Variants in SLC38A5 observed in about 807,000 individuals in gnomAD.
SLC38A5 encodes solute carrier family 38 member 5.
In SLC38A5, 9 loss-of-function variants were observed where a neutral mutation model predicts 34.6. The ratio of observed to expected loss-of-function variants is 0.26; its 90% CI spans 0.16 to 0.45. The LOEUF (loss-of-function observed/expected upper bound fraction) is 0.45, where lower values mean the gene tolerates loss of function less well. Ranked by LOEUF, SLC38A5 falls within the 20% of genes least tolerant of loss-of-function variation. SLC38A5 has a pLI of 1.00. For synonymous variants in SLC38A5, 157 were observed against 155.6 expected, an observed-to-expected ratio of 1.01 and a Z score of -0.07; for missense variants, 253 against 394.7, an observed-to-expected ratio of 0.64 and a Z score of 3.04.
intron 9 of SLC38A5, among the ~76,000 whole-genome samples, chrX:48,462,575 C>G (rs2061442188): frequency 9.0e-6 from 1 of 110,825 alleles, no homozygotes; most frequent in Non-Finnish European, 1.9e-5. Context: ...GCCATTGCAC[C>G]ACTCCAGCCT....
intron 4 of SLC38A5, chrX:48,467,452 A>G: frequency 2.3e-6 from 1 of 428,037 alleles, no homozygotes; most frequent in Non-Finnish European, 4.1e-6. Context: ...GCAGGCCGGG[A>G]GGGGAGCAGC....
At chrX:48,463,060 CAGGCAGCTTTCTGCCCT>C in intron 8 of SLC38A5, 80 bp from the exon 9 acceptor site, 1 of 799,682 alleles carries the variant, frequency 1.3e-6, no homozygotes, top group Non-Finnish European at 1.8e-6. Context: ...GACAGCTGGA[CAGGCAGCTTTCTGCCCT>C]AAGTCAGGAG....
In SLC38A5 at chrX:48,462,094, T is replaced by C; in HGVS notation, c.684A>G (p.Thr228=). ...CCACGAGAGCTTCACTCTCCATTGCTGTTTCATTGTGGCCTATAGCACAGC... is the reference window on the plus strand; with the variant it reads ...CCACGAGAGCTTCACTCTCCATTGCCGTTTCATTGTGGCCTATAGCACAGC... ...QLGCAIGHNE[T]AMESEALVGL... is the part of the protein sequence containing the mutation. The change falls in exon 11 of 17, where the codon ACA becomes ACG. Residue 228 remains threonine (T), a synonymous_variant. Coordinates refer to ENST00000620913, the MANE Select transcript of SLC38A5 (RefSeq NM_033518.4). 1 of 1,185,289 alleles carries C rather than the reference T, an allele frequency of 8.4e-7. No homozygotes were observed. Among genetic ancestry groups the C allele is most frequent in the Non-Finnish European group, 1.1e-6 (1 of 880,044 alleles).
In SLC38A5 at chrX:48,467,694, C is replaced by T. The variant is rs371257429; in HGVS notation, c.129+16G>A. The T allele has an allele frequency of 8.3e-7, 1 of 1,199,979 alleles. No individual in the cohort carries two copies. The highest frequency in any genetic ancestry group is 1.8e-5 in the African/African-American group (1 of 56,607). ...GGGGAAGGTGCCACCAGGACAGATC[C>T]TGTGGGGCCACTCACATCCATGAAC... On this transcript the variant is annotated intron_variant, in intron 4 of 16. Transcript: ENST00000620913.
In SLC38A5 at chrX:48,459,010, C is replaced by T; in HGVS notation, c.1342G>A (p.Val448Ile). Residue 448 changes from valine to isoleucine, a missense_variant, in exon 17 of 17, where the codon GTC (valine) becomes ATC (isoleucine). Coordinates refer to ENST00000620913, the MANE Select transcript of SLC38A5 (RefSeq NM_033518.4). ...IQALCFGVLG[V>I]LFMAVSLGFM... ...CCTAGACTGACGGCCATGAAGAGGA[C>T]TCCCAGGACTCCAAAGCACAGGGCC... 5.0e-6 allele frequency: 6 copies of T among 1,194,047 alleles called. No homozygotes were observed. Among genetic ancestry groups the T allele is most frequent in the Non-Finnish European group, 6.8e-6 (6 of 885,852 alleles).
rs924066765 is a variant in SLC38A5 at position 48,459,337 on chromosome X, C to T, written c.1317+199G>A. The T allele has an allele frequency of 6.8e-6, 3 of 440,794 alleles. No individual in the cohort carries two copies. The African/African-American group carries it at 7.4e-5, about 11-fold the overall frequency. 36.3% of individuals were successfully genotyped at this position (440,794 alleles called of 1,213,427 possible). A position where few individuals can be genotyped will look rare whatever the true frequency, so the allele number is the denominator to read the frequency against. On this transcript the variant is annotated intron_variant, in intron 16 of 16. Transcript: ENST00000620913. ...CTATGCCAGCCTCTGTTTGAGTGCTCCCTGTCTTCCTGGACCCTGCTGGTG... is the reference window on the plus strand; with the variant it reads ...CTATGCCAGCCTCTGTTTGAGTGCTTCCTGTCTTCCTGGACCCTGCTGGTG...
Position 48,458,685 on chromosome X carries a change from T to TCCA in SLC38A5, c.*247_*248insTGG. On this transcript the variant is annotated 3_prime_UTR_variant, in exon 17 of 17. Transcript: ENST00000620913. ...CTCCTCCTCCTCCTCCTCCTCCTCC[T>TCCA]CCTCCTCCTCTTCTTCCTCCTCCTC... is the stretch of plus-strand genomic sequence containing the variant. 2.0e-6 allele frequency: 2 copies of TCCA among 984,812 alleles called. No individual in the cohort carries two copies. The highest frequency in any genetic ancestry group is 2.0e-5 in the African/African-American group (1 of 49,605). The allele number at this position is 984,812 out of a possible 1,213,427, so 81.2% of individuals were successfully genotyped here. A position where few individuals can be genotyped will look rare whatever the true frequency, so the allele number is the denominator to read the frequency against.
chrX:48,459,353 C>A (rs934249914), intron 16 of SLC38A5, 183 bp downstream of exon 16: 11 of 460,560 alleles, frequency 2.4e-5, no homozygotes, highest in Non-Finnish European at 3.8e-5. Context: ...CTTCCTGGAC[C>A]CTGCTGGTGC....
Position 48,459,605 on chromosome X carries a change from G to A in SLC38A5, c.1248C>T (p.Leu416=), listed in dbSNP as rs1556961390. 1.7e-6 allele frequency: 2 copies of A among 1,150,239 alleles called. No individual in the cohort carries two copies. Among genetic ancestry groups the A allele is most frequent in the Non-Finnish European group, 2.3e-6 (2 of 866,132 alleles). 94.8% of individuals were successfully genotyped at this position (1,150,239 alleles called of 1,213,427 possible). Residue 416 remains leucine, a synonymous_variant, in exon 16 of 17, where the codon CTC becomes CTT. Coordinates refer to ENST00000620913, the MANE Select transcript of SLC38A5 (RefSeq NM_033518.4). ...CAATGCGGAGGTAGAAGATGCTGGG[G>A]AGGATGAAGATGAGGCTGGGGGCTG... is the stretch of plus-strand genomic sequence containing the variant. ...STSAPSLIFI[L]PSIFYLRIVP...
At chrX:48,463,648 G>A (rs1395953700) in intron 8 of SLC38A5, among the ~76,000 whole-genome samples, 7 of 103,956 alleles carry the variant, frequency 6.7e-5, no homozygotes, top group Non-Finnish European at 1.2e-4. Context: ...ATGGTGGCGC[G>A]TGCCTGTAAT....
At chrX:48,468,414 C>T in intron 2 of SLC38A5, 1 of 764,515 alleles carries the variant, frequency 1.3e-6, no homozygotes, top group East Asian at 1.4e-4. Flanking sequence ...TGCAGGGACA[C>T]GTGTCGGCCT....
At chrX:48,467,525 G>A in intron 4 of SLC38A5, 185 bp downstream of exon 4, 1 of 465,823 alleles carries the variant, frequency 2.1e-6, no homozygotes, top group East Asian at 3.7e-5. Context: ...GAGAGAGCTG[G>A]AAAGGGCATA....
chrX:48,468,140 G>C lies in SLC38A5; in HGVS notation c.-1-215C>G. The C allele has an allele frequency of 1.5e-5, 15 of 1,001,267 alleles. 1 individual carries two copies. Among genetic ancestry groups the C allele is most frequent in the Non-Finnish European group, 1.8e-5 (14 of 769,446 alleles). The allele number at this position is 1,001,267 out of a possible 1,213,427, so 82.5% of individuals were successfully genotyped here. On this transcript the variant is annotated intron_variant, in intron 2 of 16. Coordinates refer to ENST00000620913, the MANE Select transcript of SLC38A5 (RefSeq NM_033518.4). ...GAGAGAAGAACAAAAATCAGAGAAG[G>C]AGAGAAGCCAACAGTTAGTTACTCA...
intron 4 of SLC38A5, 72 bp downstream of exon 4, chrX:48,467,638 G>T: frequency 9.6e-7 from 1 of 1,040,753 alleles, no homozygotes; most frequent in Non-Finnish European, 1.3e-6. Context: ...GAGGAGTGGG[G>T]AAGAGGGAGC....
chrX:48,458,695 CTT>C lies in SLC38A5; in HGVS notation c.*236_*237del. 3.0e-6 allele frequency: 3 copies of C among 1,001,088 alleles called. No homozygotes were observed. Among genetic ancestry groups the C allele is most frequent in the Admixed American group, 4.6e-5 (1 of 21,849 alleles). 82.5% of individuals were successfully genotyped at this position (1,001,088 alleles called of 1,213,427 possible). On this transcript the variant is annotated 3_prime_UTR_variant, in exon 17 of 17. Coordinates refer to ENST00000620913, the MANE Select transcript of SLC38A5 (RefSeq NM_033518.4). ...TCCTCCTCCTCCTCCTCCTCCTCCTCTTCTTCCTCCTCCTCCTCCTCCCATGG... is the reference window on the plus strand; with the variant it reads ...TCCTCCTCCTCCTCCTCCTCCTCCTCCTTCCTCCTCCTCCTCCTCCCATGG...
intron 8 of SLC38A5, among the ~76,000 whole-genome samples, chrX:48,463,897 AAGAAAGAAAGAAAG>A (rs1257960986): frequency 1.8e-4 from 19 of 106,677 alleles, no homozygotes; most frequent in African/African-American, 5.8e-4. Flanking sequence ...GAAAGAAAGA[AAGAAAGAAAGAAAG>A]AGAAAGAAAG....
At chrX:48,463,019 A>G (rs1556962287) in intron 8 of SLC38A5, 39 bp from the exon 9 acceptor site, 8 of 1,064,110 alleles carry the variant, frequency 7.5e-6, no homozygotes, top group African/African-American at 1.8e-5. Context: ...GCTGCCAGCC[A>G]AAGGAAACTG....
intron 8 of SLC38A5, among the ~76,000 whole-genome samples, chrX:48,464,701 G>T (rs976348564): frequency 2.7e-5 from 3 of 112,102 alleles, no homozygotes; most frequent in African/African-American, 9.7e-5. Context: ...GGAGGTGGAG[G>T]TTGCAGTGAG....
At chrX:48,463,562 C>T (rs1394634255) in intron 8 of SLC38A5, among the ~76,000 whole-genome samples, 1 of 108,794 alleles carries the variant, frequency 9.2e-6, no homozygotes, top group Admixed American at 1.0e-4. Context: ...GCCGAGATCA[C>T]GCCACTGCAC....
Sources: allele counts gnomAD v4.1 joint callset (sites outside exome capture counted in the v4.1 genomes callset), GRCh38; gene constraint gnomAD v4.1.1; transcripts MANE v1.5; gene names NCBI Gene and HGNC (gene_info 2026-07-23, HGNC 2026-07-21).